Variants in SOHLH2 observed in about 807,000 individuals in gnomAD.
SOHLH2 encodes spermatogenesis and oogenesis specific basic helix-loop-helix 2.
Under a neutral mutation model 50.4 loss-of-function variants are expected in SOHLH2, and 22 were observed. The ratio of observed to expected loss-of-function variants is 0.44; its 90% CI spans 0.31 to 0.62. SOHLH2 has a LOEUF of 0.62. Among genes scored for constraint, SOHLH2 ranks in the 20% least tolerant of loss-of-function variants. SOHLH2 has a pLI of 0.08. For missense variants in SOHLH2, 412 were observed against 504.4 expected (o/e 0.82, Z 1.76); for synonymous variants, 185 against 187.3 (o/e 0.99, Z 0.10).
chr13:36,202,728 A>C (rs1387667134), intron 1 of SOHLH2, among the ~76,000 whole-genome samples: 1 of 152,194 alleles, frequency 6.6e-6, no homozygotes, highest in Non-Finnish European at 1.5e-5. Flanking sequence ...AACTCAACCC[A>C]CTGAAAATGC....
intron 2 of SOHLH2, among the ~76,000 whole-genome samples, chr13:36,199,352 C>G (rs3790012): frequency 6.6e-6 from 1 of 151,824 alleles, no homozygotes; most frequent in Admixed American, 6.6e-5. Flanking sequence ...ACTCTGTCCC[C>G]TTGCAGAGAG....
intron 6 of SOHLH2, among the ~76,000 whole-genome samples, chr13:36,181,140 GTT>G (rs1406580352): frequency 6.6e-6 from 1 of 152,028 alleles, no homozygotes; most frequent in Non-Finnish European, 1.5e-5. Context: ...AGGTAATACT[GTT>G]TGTCTTCAAG....
intron 6 of SOHLH2, among the ~76,000 whole-genome samples, chr13:36,175,369 C>A (rs1887071599): frequency 6.6e-6 from 1 of 152,360 alleles, no homozygotes; most frequent in Admixed American, 6.5e-5. Flanking sequence ...CAGCTAGCAT[C>A]TTGTACCACA....
intron 4 of SOHLH2, among the ~76,000 whole-genome samples, chr13:36,193,036 G>C (rs372132819): frequency 1.3e-5 from 2 of 152,086 alleles, no homozygotes; most frequent in African/African-American, 4.8e-5. Context: ...TTTAATTTCC[G>C]TAATTGGAGT....
chr13:36,200,198 A>C (rs1887855610), intron 2 of SOHLH2, among the ~76,000 whole-genome samples: 1 of 152,170 alleles, frequency 6.6e-6, no homozygotes, highest in Non-Finnish European at 1.5e-5. Context: ...ATATGATATA[A>C]ATGAAGTATT....
Position 36,191,783 on chromosome 13 carries a change from CA to C in SOHLH2, c.530+11del, listed in dbSNP as rs1887581063. The stretch of plus-strand genomic sequence containing the variant: ...AAAATATTGCTATTATGAAAAAGAA[CA>C]AAAAACTAACCAGGCAAATAGATCA... On this transcript the variant is annotated intron_variant, in intron 5 of 10. Transcript: ENST00000379881. 6.2e-7 allele frequency: 1 copy of C among 1,612,674 alleles called. No homozygotes were observed. The highest frequency in any genetic ancestry group is 8.5e-7 in the Non-Finnish European group (1 of 1,179,460).
chr13:36,189,847 T>C, intron 6 of SOHLH2, 99 bp downstream of exon 6: 1 of 1,187,484 alleles, frequency 8.4e-7, no homozygotes, highest in Non-Finnish European at 1.1e-6. Flanking sequence ...AGTTTACTAG[T>C]TTCACTTATA....
At chr13:36,187,238 C>T (rs1015777442) in intron 6 of SOHLH2, among the ~76,000 whole-genome samples, 2 of 151,954 alleles carry the variant, frequency 1.3e-5, no homozygotes, top group African/African-American at 2.4e-5. Flanking sequence ...AAAACTAACA[C>T]GTAACTTTGG....
At chr13:36,196,033 C>T (rs1413826277) in intron 2 of SOHLH2, among the ~76,000 whole-genome samples, 1 of 151,414 alleles carries the variant, frequency 6.6e-6, no homozygotes, top group Non-Finnish European at 1.5e-5. Flanking sequence ...CAGAATGATG[C>T]CTGCCAGGAT....
rs1156324710 is a variant in SOHLH2 at position 36,174,524 on chromosome 13, T to C, written c.833A>G (p.Gln278Arg). The change falls in exon 8 of 11, where the codon CAA becomes CGA. Residue 278 changes from glutamine to arginine, a missense_variant. Gln to Arg is a conservative substitution (Grantham distance 43, BLOSUM62 1). Coordinates refer to ENST00000379881, the MANE Select transcript of SOHLH2 (RefSeq NM_017826.3). Reference sequence around the variant, plus strand: ...GAGAGACAGCTCAATGGGTGTTTGTTGTTTCTTACAAAACCTCATGTTGCT... The same window carrying C: ...GAGAGACAGCTCAATGGGTGTTTGTCGTTTCTTACAAAACCTCATGTTGCT... ...LQSNMRFCKK[Q>R]QTPIELSLPG... 1 of 1,614,238 alleles carries C rather than the reference T, an allele frequency of 6.2e-7. No individual in the cohort carries two copies. Among genetic ancestry groups the C allele is most frequent in the Non-Finnish European group, 8.5e-7 (1 of 1,180,050 alleles).
intron 1 of SOHLH2, among the ~76,000 whole-genome samples, chr13:36,211,751 T>G (rs1308034524): frequency 6.6e-6 from 1 of 152,232 alleles, no homozygotes; most frequent in Admixed American, 6.5e-5. Context: ...AGTGTTTGTA[T>G]AGTGCCCTGC....
At position 36,205,993 on chromosome 13, in the gene SOHLH2, AAT is replaced by A. The variant is rs1220550905; in HGVS notation, c.49-3902_49-3901del. On this transcript the variant is annotated intron_variant, in intron 1 of 10. Transcript: ENST00000379881. Reference sequence around the variant, plus strand: ...ATATTGTTTAATGTTTTAATTTTAAAATATATATATAATACCTATTACTGGTG... The same window carrying A: ...ATATTGTTTAATGTTTTAATTTTAAAATATATATAATACCTATTACTGGTG... Among the ~76,000 whole-genome samples the A allele has an allele frequency of 6.6e-5, 10 of 151,914 alleles. No individual in the cohort carries two copies. The East Asian group carries it at 1.9e-3, about 29-fold the overall frequency.
At chr13:36,213,767 A>G (rs1869261833) in intron 1 of SOHLH2, among the ~76,000 whole-genome samples, 1 of 152,148 alleles carries the variant, frequency 6.6e-6, no homozygotes, top group Admixed American at 6.5e-5. Flanking sequence ...TTCCACACAA[A>G]GTTGCCTGTT....
chr13:36,186,955 G>A (rs982919536), intron 6 of SOHLH2, among the ~76,000 whole-genome samples: 1 of 152,120 alleles, frequency 6.6e-6, no homozygotes, highest in Non-Finnish European at 1.5e-5. Context: ...AAACAGACTA[G>A]AAGCAACGAT....
At chr13:36,206,798 T>G (rs1868791003) in intron 1 of SOHLH2, among the ~76,000 whole-genome samples, 1 of 151,770 alleles carries the variant, frequency 6.6e-6, no homozygotes, top group African/African-American at 2.4e-5. Flanking sequence ...CATCAATTTC[T>G]CTAATCATAG....
Position 36,174,731 on chromosome 13 carries a change from AAC to A in SOHLH2, c.778_779del (p.Val260TyrfsTer16). ...TTTGGGAGTCAAATACCTGGGCCAT[AAC>A]GGCTGGAGAGATTTTCTCCCGGATA... ...KYIREKISPA[V>X]MAQITEALQS... On this transcript the variant is annotated frameshift_variant, in exon 7 of 11. Transcript: ENST00000379881. LOFTEE classifies it high-confidence loss of function. The A allele has an allele frequency of 6.2e-7, 1 of 1,604,596 alleles. No homozygotes were observed. Among genetic ancestry groups the A allele is most frequent in the Non-Finnish European group, 8.5e-7 (1 of 1,176,664 alleles).
intron 5 of SOHLH2, 60 bp from the exon 6 acceptor site, chr13:36,190,116 A>G (rs1887533201): frequency 1.3e-6 from 2 of 1,511,906 alleles, no homozygotes; most frequent in Non-Finnish European, 1.8e-6. Flanking sequence ...GCAAAATTAA[A>G]TAATACGCAC....
At chr13:36,208,372 A>G (rs1028933101) in intron 1 of SOHLH2, among the ~76,000 whole-genome samples, 1 of 152,062 alleles carries the variant, frequency 6.6e-6, no homozygotes, top group African/African-American at 2.4e-5. Context: ...GGACATATTT[A>G]TTTTATTCTT....
chr13:36,209,329 T>G (rs1566048110), intron 1 of SOHLH2, among the ~76,000 whole-genome samples: 2 of 150,610 alleles, frequency 1.3e-5, no homozygotes, highest in African/African-American at 4.9e-5. Flanking sequence ...TTTTAGAAGT[T>G]TTTTTTTTTT....
Sources: allele counts gnomAD v4.1 joint callset (sites outside exome capture counted in the v4.1 genomes callset), GRCh38; gene constraint gnomAD v4.1.1; transcripts MANE v1.5; gene names NCBI Gene and HGNC (gene_info 2026-07-23, HGNC 2026-07-21).